The following EXOC4 variants were observed in gnomAD, a reference collection of about 807,000 sequenced individuals.
The protein encoded by EXOC4 is exocyst complex component 4.
A neutral mutation model predicts 107.2 loss-of-function variants in EXOC4; 71 were observed. The ratio of observed to expected loss-of-function variants is 0.66; its 90% CI spans 0.55 to 0.81. The LOEUF is 0.81. EXOC4 is among the 30% of genes least tolerant of loss of function. The pLI, the probability that EXOC4 is intolerant of heterozygous loss-of-function variation, is 0.00. For missense variants in EXOC4, 1,108 were observed against 1,189.6 expected, an observed-to-expected ratio of 0.93 and a Z score of 1.01; for synonymous variants, 456 against 441.2, an observed-to-expected ratio of 1.03 and a Z score of -0.42.
chr7:134,017,330 G>A (rs899211371), intron 17 of EXOC4, among the ~76,000 whole-genome samples: 6 of 152,102 alleles, frequency 3.9e-5, no homozygotes, highest in African/African-American at 1.4e-4. Flanking sequence ...AAATTTAATA[G>A]TGATAAAAAG....
At chr7:133,879,610 T>C (rs1322632045) in intron 11 of EXOC4, among the ~76,000 whole-genome samples, 1 of 152,166 alleles carries the variant, frequency 6.6e-6, no homozygotes, top group East Asian at 1.9e-4. Context: ...TCTTCATTGA[T>C]TTTTCATATT....
chr7:133,660,820 G>T (rs185786487), intron 10 of EXOC4, among the ~76,000 whole-genome samples: 4 of 152,170 alleles, frequency 2.6e-5, no homozygotes, highest in East Asian at 3.9e-4. Context: ...ATGTACTGCC[G>T]CCTTCAGAAG....
intron 17 of EXOC4, among the ~76,000 whole-genome samples, chr7:134,020,212 C>A (rs182917229): frequency 6.6e-5 from 10 of 152,340 alleles, no homozygotes; most frequent in Non-Finnish European, 1.3e-4. Context: ...GCTACAGGGT[C>A]TCTTGCAGGG....
At chr7:133,585,448 A>C (rs985423484) in intron 9 of EXOC4, among the ~76,000 whole-genome samples, 1 of 152,162 alleles carries the variant, frequency 6.6e-6, no homozygotes, top group African/African-American at 2.4e-5. Flanking sequence ...GTGATACAGC[A>C]GTGAACAAAA....
At chr7:133,796,526 G>A (rs143674020) in intron 10 of EXOC4, among the ~76,000 whole-genome samples, 1,755 of 152,242 alleles carry the variant, frequency 0.012, 25 homozygotes, top group African/African-American at 0.04. Flanking sequence ...TTGGGAGGCC[G>A]AGGTGGGCGG....
At chr7:133,825,740 G>A (rs1004015075) in intron 11 of EXOC4, among the ~76,000 whole-genome samples, 1 of 152,158 alleles carries the variant, frequency 6.6e-6, no homozygotes, top group Admixed American at 6.5e-5. Context: ...CTCTGGTAGA[G>A]AATAGATTCA....
intron 14 of EXOC4, among the ~76,000 whole-genome samples, chr7:133,953,056 C>A (rs1194204641): frequency 1.3e-5 from 2 of 152,182 alleles, no homozygotes; most frequent in African/African-American, 4.8e-5. Flanking sequence ...AGATGTACTG[C>A]ACGTCTTTCT....
chr7:133,457,953 C>T (rs1318052065), intron 7 of EXOC4, among the ~76,000 whole-genome samples: 2 of 151,816 alleles, frequency 1.3e-5, no homozygotes, highest in Admixed American at 6.6e-5. Context: ...TAGCAGACAC[C>T]GAATTTTTCT....
Position 133,634,987 on chromosome 7 carries a change from A to G in EXOC4, c.1514+4846A>G, listed in dbSNP as rs1266451863. 3.9e-5 allele frequency among the ~76,000 whole-genome samples: 6 copies of G among 152,152 alleles called. No homozygotes were observed. In the East Asian group the frequency reaches 1.2e-3, roughly 29 times the overall value. ...CTCTCTCTAGAAGACTTTTAAGACG[A>G]ATGAATTCATTCTTATAAATGGAAT... On this transcript the variant is annotated intron_variant, in intron 10 of 17. Transcript: ENST00000253861.
intron 10 of EXOC4, among the ~76,000 whole-genome samples, chr7:133,734,889 T>TTTAA (rs1795405174): frequency 6.6e-6 from 1 of 151,668 alleles, no homozygotes. Flanking sequence ...ATTTAACAAG[T>TTTAA]CATGACTCAC....
chr7:133,774,688 G>T (rs886859176), intron 10 of EXOC4, among the ~76,000 whole-genome samples: 2 of 151,926 alleles, frequency 1.3e-5, no homozygotes, highest in African/African-American at 2.4e-5. Context: ...ATAGTATATG[G>T]TCCTTAACTT....
At chr7:133,705,278 A>G (rs903643296) in intron 10 of EXOC4, among the ~76,000 whole-genome samples, 2 of 152,134 alleles carry the variant, frequency 1.3e-5, no homozygotes, top group African/African-American at 4.8e-5. Context: ...AAGGCAGGAG[A>G]ATCACTTGAA....
chr7:133,725,404 T>G (rs923393027), intron 10 of EXOC4, among the ~76,000 whole-genome samples: 3 of 152,206 alleles, frequency 2.0e-5, no homozygotes, highest in African/African-American at 7.2e-5. Context: ...AGATCGAGTT[T>G]CACTCTTATC....
At chr7:133,793,523 C>A (rs1796748928) in intron 10 of EXOC4, among the ~76,000 whole-genome samples, 1 of 152,154 alleles carries the variant, frequency 6.6e-6, no homozygotes, top group Non-Finnish European at 1.5e-5. Flanking sequence ...TCAGATTAAA[C>A]AGCTCACACT....
At chr7:133,668,380 A>G (rs1025691497) in intron 10 of EXOC4, among the ~76,000 whole-genome samples, 1 of 152,220 alleles carries the variant, frequency 6.6e-6, no homozygotes, top group African/African-American at 2.4e-5. Context: ...AGGGCACCCC[A>G]TTATAATGGT....
At position 133,737,055 on chromosome 7, in the gene EXOC4, G is replaced by A. The variant is rs148701705; in HGVS notation, c.1515-80270G>A. ...TTATTATCTAAAACCTATAGATTCC[G>A]TCCTATACACTGCTTCTTAATTTGC... On this transcript the variant is annotated intron_variant, in intron 10 of 17. Coordinates refer to ENST00000253861, the MANE Select transcript of EXOC4 (RefSeq NM_021807.4). Among the ~76,000 whole-genome samples the A allele has an allele frequency of 7.9e-5, 12 of 152,114 alleles. No individual in the cohort carries two copies. The East Asian group carries it at 2.1e-3, about 27-fold the overall frequency.
chr7:133,351,547 G>A (rs892252512), intron 5 of EXOC4, among the ~76,000 whole-genome samples: 4 of 151,996 alleles, frequency 2.6e-5, no homozygotes, highest in African/African-American at 9.6e-5. Context: ...TTCCATTTAT[G>A]AATTTAGTCA....
chr7:133,516,087 G>A (rs1248431607), intron 9 of EXOC4, among the ~76,000 whole-genome samples: 2 of 152,182 alleles, frequency 1.3e-5, no homozygotes, highest in Non-Finnish European at 2.9e-5. Context: ...TGAAATTACA[G>A]TCTCTAAGGT....
chr7:133,730,883 G>A (rs1167111683), intron 10 of EXOC4, among the ~76,000 whole-genome samples: 1 of 152,138 alleles, frequency 6.6e-6, no homozygotes, highest in Non-Finnish European at 1.5e-5. Context: ...TGCTGTGGAA[G>A]ACAGGCCTTT....
Sources: gnomAD v4.1 joint callset for allele counts (sites outside exome capture counted in the v4.1 genomes callset) on GRCh38, gnomAD v4.1.1 for gene constraint, MANE v1.5 for transcripts, NCBI Gene and HGNC (gene_info 2026-07-23, HGNC 2026-07-21) for gene names.